PAK4: variants seen among roughly 807,000 people sequenced by gnomAD.
PAK4 encodes the protein p21 (RAC1) activated kinase 4.
Under a neutral mutation model 53.5 loss-of-function variants are expected in PAK4, and 49 were observed. The observed-to-expected ratio is 0.92, with a 90% CI of 0.73 to 1.16. The LOEUF (loss-of-function observed/expected upper bound fraction) is 1.16. Ranked by LOEUF, PAK4 falls within the 50% of genes most tolerant of loss-of-function variation. PAK4 has a pLI of 0.00. For missense variants in PAK4, 824 were observed against 850.7 expected (o/e 0.97, Z 0.39); for synonymous variants, 376 against 375.6 (o/e 1.00, Z -0.01).
intron 1 of PAK4, 102 bp from the exon 3 acceptor site, chr19:39,169,430 G>A (rs2074433949): frequency 3.6e-6 from 3 of 843,302 alleles, no homozygotes; most frequent in Admixed American, 4.2e-5. Flanking sequence ...ACTGCCTCCT[G>A]TTGGTCCCGG....
intron 1 of PAK4, among the ~76,000 whole-genome samples, chr19:39,141,225 G>A (rs1401346466): frequency 6.6e-6 from 1 of 152,054 alleles, no homozygotes; most frequent in Non-Finnish European, 1.5e-5. Flanking sequence ...TTATTTCAGA[G>A]CAAATCCCAA....
At chr19:39,174,181 C>G (rs1200733397) in intron 4 of PAK4, among the ~76,000 whole-genome samples, 171 bp downstream of exon 5, 7 of 151,758 alleles carry the variant, frequency 4.6e-5, no homozygotes, top group Admixed American at 1.3e-4. Flanking sequence ...GGGTCCCTGC[C>G]TCTGTCCTCA....
intron 1 of PAK4, among the ~76,000 whole-genome samples, chr19:39,143,591 T>C (rs1436325191): frequency 4.5e-5 from 1 of 22,288 alleles, no homozygotes; most frequent in African/African-American, 1.9e-4. Context: ...AGACTCTGTC[T>C]CAAAAAAAAA....
intron 1 of PAK4, 29 bp from the exon 3 acceptor site, chr19:39,169,503 C>G: frequency 6.7e-7 from 1 of 1,496,062 alleles, no homozygotes; most frequent in Non-Finnish European, 9.3e-7. Context: ...GGCAGGCTCT[C>G]ACTCACCCAC....
rs547774480 is a variant in PAK4 at position 39,152,627 on chromosome 19, T to C, written c.-22-16905T>C. Among the ~76,000 whole-genome samples, 147 of 152,330 alleles carry C rather than the reference T, an allele frequency of 9.7e-4. 1 individual carries two copies. Among genetic ancestry groups the C allele is most frequent in the Admixed American group, 6.5e-5 (1 of 15,292 alleles). ...GGGAAAGAATTTGTGCTGGGTTTAC[T>C]GTCACACCTCAAACTGCGAAAGTCA... is the stretch of plus-strand genomic sequence containing the variant. On this transcript the variant is annotated intron_variant, in intron 1 of 8. Coordinates refer to ENST00000358301, the Ensembl canonical transcript of PAK4.
intron 1 of PAK4, among the ~76,000 whole-genome samples, chr19:39,159,824 C>A (rs988385498): frequency 2.0e-5 from 3 of 152,216 alleles, no homozygotes; most frequent in South Asian, 4.1e-4. Flanking sequence ...CCTGGAGGAA[C>A]GAAGGAGAGC....
At chr19:39,148,806 T>A (rs2074048889) in intron 1 of PAK4, among the ~76,000 whole-genome samples, 1 of 152,066 alleles carries the variant, frequency 6.6e-6, no homozygotes, top group Non-Finnish European at 1.5e-5. Context: ...AAGTCTGTGA[T>A]CCATTATGAG....
At chr19:39,138,437 A>T (rs2073856645) in intron 1 of PAK4, among the ~76,000 whole-genome samples, 3 of 152,254 alleles carry the variant, frequency 2.0e-5, no homozygotes. Context: ...TCGTGCGCAC[A>T]CACCTGACAC....
Position 39,178,072 on chromosome 19 carries a change from T to G in PAK4, c.1620+263T>G, listed in dbSNP as rs1316170698. On this transcript the variant is annotated intron_variant, in intron 8 of 8. Transcript: ENST00000358301. This position sits in a 1 kb window ranked among gnomAD's most constrained non-coding sequence, Gnocchi z 4.4. ...CCCAGCCCTAGAGAGATTTGCACGT[T>G]TAGAAGTGGAGGACAGGGCCGGGAC... is the stretch of plus-strand genomic sequence containing the variant. Among the ~76,000 whole-genome samples, 1 of 152,024 alleles carries G rather than the reference T, an allele frequency of 6.6e-6. No homozygotes were observed.
At chr19:39,172,577 G>C (rs1045022546) in intron 2 of PAK4, among the ~76,000 whole-genome samples, 2 of 152,092 alleles carry the variant, frequency 1.3e-5, no homozygotes, top group African/African-American at 4.8e-5. Context: ...CTGATTATGG[G>C]GTGGGTCAAT....
intron 1 of PAK4, among the ~76,000 whole-genome samples, chr19:39,133,740 C>T (rs953649557): frequency 3.3e-5 from 5 of 152,192 alleles, no homozygotes; most frequent in Non-Finnish European, 7.4e-5. Context: ...CCTCCCTGCT[C>T]CTGCCACCTG....
At position 39,167,078 on chromosome 19, in the gene PAK4, C is replaced by T. The variant is rs577733715; in HGVS notation, c.-22-2454C>T. Among the ~76,000 whole-genome samples, 12 of 152,320 alleles carry T rather than the reference C, an allele frequency of 7.9e-5. No individual in the cohort carries two copies. In the South Asian group the frequency reaches 8.3e-4, roughly 11 times the overall value. On this transcript the variant is annotated intron_variant, in intron 1 of 8. Transcript: ENST00000358301. ...CATGCTGCCAGCTGGGCCAGCCGCC[C>T]GCCCTCCAGGCTGCTCTTGCCCCGT... is the stretch of plus-strand genomic sequence containing the variant.
At chr19:39,144,796 A>C (rs1425718656) in intron 1 of PAK4, among the ~76,000 whole-genome samples, 4 of 149,448 alleles carry the variant, frequency 2.7e-5, no homozygotes, top group African/African-American at 9.8e-5. Context: ...GTGTGTGTGC[A>C]CTTGTGCTCA....
chr19:39,172,888 G>T (rs1332635472), intron 2 of PAK4, 30 bp from the exon 4 acceptor site: 2 of 1,499,656 alleles, frequency 1.3e-6, no homozygotes, highest in Non-Finnish European at 9.0e-7. Flanking sequence ...TCCTTGCTGG[G>T]CCCCCACCCA....
chr19:39,165,192 G>GATAATAATAATAATAATA (rs74176492), intron 1 of PAK4, among the ~76,000 whole-genome samples: 13,857 of 129,754 alleles, frequency 0.11, 957 homozygotes, highest in East Asian at 0.27. Flanking sequence ...TGATGATGAT[G>GATAATAATAATAATAATA]ATGATAATAA....
chr19:39,166,234 C>T (rs1467972500), intron 1 of PAK4, among the ~76,000 whole-genome samples: 1 of 152,162 alleles, frequency 6.6e-6, no homozygotes, highest in Non-Finnish European at 1.5e-5. Flanking sequence ...AGGCAGATCA[C>T]TAGAGGTCAG....
chr19:39,156,071 C>T (rs1384786278), intron 1 of PAK4, among the ~76,000 whole-genome samples: 1 of 152,200 alleles, frequency 6.6e-6, no homozygotes, highest in Non-Finnish European at 1.5e-5. Flanking sequence ...CTCAGGATGG[C>T]GATATGGGGG....
chr19:39,152,986 TGGTACCTCCTGCGGG>T (rs1777770018), intron 1 of PAK4, among the ~76,000 whole-genome samples: 2 of 152,156 alleles, frequency 1.3e-5, no homozygotes, highest in South Asian at 4.1e-4. Context: ...TCCCTGGATG[TGGTACCTCCTGCGGG>T]GGTTCTGGAG....
At position 39,145,863 on chromosome 19, in the gene PAK4, C is replaced by T. The variant is rs991223303; in HGVS notation, c.-23+19944C>T. On this transcript the variant is annotated intron_variant, in intron 1 of 8. Transcript: ENST00000358301. ...AGCCTTTCTTGGAGAGGCCCTCTGG[C>T]GGGGAGTTTACTCTCAAAGGCTCTA... 6.8e-5 allele frequency among the ~76,000 whole-genome samples: 10 copies of T among 147,238 alleles called. No homozygotes were observed. In the East Asian group the frequency reaches 1.1e-3, roughly 16 times the overall value.
Sources: gnomAD v4.1 joint callset for allele counts (sites outside exome capture counted in the v4.1 genomes callset) on GRCh38, gnomAD v4.1.1 for gene constraint, Gnocchi (gnomAD v3.1) non-coding constraint, MANE v1.5 for transcripts, NCBI Gene and HGNC (gene_info 2026-07-23, HGNC 2026-07-21) for gene names.